ACTL6B: variants seen among roughly 807,000 people sequenced by gnomAD.
The protein encoded by ACTL6B is actin like 6B.
In ACTL6B, 48 loss-of-function variants were observed where a neutral mutation model predicts 63.3. That is an observed-to-expected ratio of 0.76 (90% CI 0.60 to 0.96). The LOEUF (loss-of-function observed/expected upper bound fraction) is 0.96. Ranked by LOEUF, ACTL6B falls within the 50% of genes least tolerant of loss-of-function variation. The pLI is 0.00. For missense variants in ACTL6B, 350 were observed against 572.2 expected (o/e 0.61, Z 3.96); for synonymous variants, 230 against 223.8 (o/e 1.03, Z -0.25).
Position 100,648,412 on chromosome 7 carries a change from C to T in ACTL6B, c.669+144G>A, listed in dbSNP as rs1294445470. 8 of 698,910 alleles carry T rather than the reference C, an allele frequency of 1.1e-5. No homozygotes were observed. Among genetic ancestry groups the T allele is most frequent in the South Asian group, 1.1e-4 (5 of 47,362 alleles). 43.3% of individuals were successfully genotyped at this position (698,910 alleles called of 1,614,324 possible). A position where few individuals can be genotyped will look rare whatever the true frequency, so the allele number is the denominator to read the frequency against. On this transcript the variant is annotated intron_variant, in intron 7 of 13. Transcript: ENST00000160382. The surrounding 1 kb of genome is among the most constrained non-coding windows in gnomAD (Gnocchi z 4.4). ...CAGCCTGTCTGGATTTCGGATGCCT[C>T]GATTATAAAAGGAGGAACTGGAGCC...
At chr7:100,656,076 A>G (rs115598314) in intron 1 of ACTL6B, among the ~76,000 whole-genome samples, 197 bp from the exon 2 acceptor site, 2,230 of 152,290 alleles carry the variant, frequency 0.015, 51 homozygotes, top group African/African-American at 0.051. Flanking sequence ...TTCTTGCCCA[A>G]TGGCCTTGCT....
chr7:100,643,800 C>A (rs950114363), intron 13 of ACTL6B, among the ~76,000 whole-genome samples: 2 of 152,234 alleles, frequency 1.3e-5, no homozygotes, highest in African/African-American at 4.8e-5. Context: ...CCATCTGCAG[C>A]CTTCGGCATT....
chr7:100,647,151 G>A lies in ACTL6B; in HGVS notation c.822-66C>T. ...AAGGATCAGTGCGTGGGCAGCACCA[G>A]AGCCCCCCAGCCCACCCCAAGAGTG... On this transcript the variant is annotated intron_variant, in intron 9 of 13. Coordinates refer to ENST00000160382, the MANE Select transcript of ACTL6B (RefSeq NM_016188.5). This position sits in a 1 kb window ranked among gnomAD's most constrained non-coding sequence, Gnocchi z 4.4. The A allele has an allele frequency of 6.2e-7, 1 of 1,608,806 alleles. No individual in the cohort carries two copies. The highest frequency in any genetic ancestry group is 8.5e-7 in the Non-Finnish European group (1 of 1,175,526).
Position 100,648,179 on chromosome 7 carries a change from C to T in ACTL6B, c.669+377G>A, listed in dbSNP as rs73409003. 236 of 165,966 alleles carry T rather than the reference C, an allele frequency of 1.4e-3. 2 individuals carry two copies. Among genetic ancestry groups the T allele is most frequent in the African/African-American group, 5.3e-3 (223 of 41,816 alleles). The allele number at this position is 165,966 out of a possible 1,614,324, so 10.3% of individuals were successfully genotyped here. ...TTCACCATGTTGCCCAGGCTGGTCT[C>T]GAAGTGAGCTCAAAGCGATCTGCCT... On this transcript the variant is annotated intron_variant, in intron 7 of 13. Coordinates refer to ENST00000160382, the MANE Select transcript of ACTL6B (RefSeq NM_016188.5). The surrounding 1 kb of genome is among the most constrained non-coding windows in gnomAD (Gnocchi z 4.4).
At position 100,647,744 on chromosome 7, in the gene ACTL6B, C is replaced by T; in HGVS notation, c.670-211G>A. Reference sequence around the variant, plus strand: ...TGTGCCTTTCATGCGGTGGGTGCAGCTGATCTGGAGAACACCAGGAATACA... The same window carrying T: ...TGTGCCTTTCATGCGGTGGGTGCAGTTGATCTGGAGAACACCAGGAATACA... On this transcript the variant is annotated intron_variant, in intron 7 of 13. Coordinates refer to ENST00000160382, the MANE Select transcript of ACTL6B (RefSeq NM_016188.5). The surrounding 1 kb of genome is among the most constrained non-coding windows in gnomAD (Gnocchi z 4.4). The T allele has an allele frequency of 7.4e-6, 4 of 540,728 alleles. No individual in the cohort carries two copies. The highest frequency in any genetic ancestry group is 1.3e-5 in the Non-Finnish European group (4 of 305,866). The allele number at this position is 540,728 out of a possible 1,614,324, so 33.5% of individuals were successfully genotyped here.
intron 4 of ACTL6B, among the ~76,000 whole-genome samples, chr7:100,651,452 G>A (rs1255936348): frequency 6.6e-6 from 1 of 151,654 alleles, no homozygotes; most frequent in African/African-American, 2.4e-5. Flanking sequence ...TTGGGATGCT[G>A]AGGCAGGAGA....
Position 100,655,840 on chromosome 7 carries a change from GAGA to G in ACTL6B, c.62_64del (p.Phe21del). 3 of 1,576,448 alleles carry G rather than the reference GAGA, an allele frequency of 1.9e-6. No individual in the cohort carries two copies. The highest frequency in any genetic ancestry group is 2.6e-6 in the Non-Finnish European group (3 of 1,160,624). On this transcript the variant is annotated inframe_deletion, in exon 2 of 14. Coordinates refer to ENST00000160382, the MANE Select transcript of ACTL6B (RefSeq NM_016188.5). The surrounding 1 kb of genome is among the most constrained non-coding windows in gnomAD (Gnocchi z 4.4). ...CTCCCCAGCGTACCCAGCGCGGACT[GAGA>G]AGGAGCCAATGTCAAAGACCAGCGC...
At position 100,646,382 on chromosome 7, in the gene ACTL6B, A is replaced by G. The variant is rs1440427153; in HGVS notation, c.1114-47T>C. On this transcript the variant is annotated intron_variant, in intron 12 of 13. Transcript: ENST00000160382. This position sits in a 1 kb window ranked among gnomAD's most constrained non-coding sequence, Gnocchi z 6.1. The stretch of plus-strand genomic sequence containing the variant: ...GGGAAGCAGACACCTAGGTTCTGGG[A>G]AGGGACAGGGCTTGGGGGAGAGGGG... 6.2e-7 allele frequency: 1 copy of G among 1,601,506 alleles called. No homozygotes were observed. The highest frequency in any genetic ancestry group is 1.7e-5 in the Admixed American group (1 of 58,222).
intron 5 of ACTL6B, among the ~76,000 whole-genome samples, chr7:100,649,182 TG>T (rs1803883581): frequency 6.6e-6 from 1 of 151,036 alleles, no homozygotes; most frequent in African/African-American, 2.4e-5. Flanking sequence ...TTAGTAGAGA[TG>T]GGATTTCACC....
At position 100,648,960 on chromosome 7, in the gene ACTL6B, C is replaced by T; in HGVS notation, c.468-137G>A. On this transcript the variant is annotated intron_variant, in intron 5 of 13. Coordinates refer to ENST00000160382, the MANE Select transcript of ACTL6B (RefSeq NM_016188.5). This position sits in a 1 kb window ranked among gnomAD's most constrained non-coding sequence, Gnocchi z 4.4. ...CAAATCTCTCCCCCTGGTGATGACTCATCTCCTGGAGAAAGGCTCTGAGAC... is the reference window on the plus strand; with the variant it reads ...CAAATCTCTCCCCCTGGTGATGACTTATCTCCTGGAGAAAGGCTCTGAGAC... The T allele has an allele frequency of 5.5e-6, 4 of 728,920 alleles. No homozygotes were observed. The highest frequency in any genetic ancestry group is 6.4e-6 in the Non-Finnish European group (3 of 466,388). The allele number at this position is 728,920 out of a possible 1,614,324, so 45.2% of individuals were successfully genotyped here.
At chr7:100,644,813 TGGGA>T (rs540865761) in intron 13 of ACTL6B, among the ~76,000 whole-genome samples, 256 of 152,080 alleles carry the variant, frequency 1.7e-3, no homozygotes, top group African/African-American at 5.7e-3. Context: ...CCCAGCACTT[TGGGA>T]GGCCAAGATG....
intron 4 of ACTL6B, among the ~76,000 whole-genome samples, 188 bp downstream of exon 4, chr7:100,654,831 G>C (rs187837858): frequency 4.3e-4 from 66 of 152,178 alleles, no homozygotes; most frequent in Admixed American, 3.6e-3. Context: ...CATAGAGCAA[G>C]AAGAGAGCAG....
rs1342036455 is a variant in ACTL6B, at chr7:100,654,576, T to C, written c.369+443A>G. 4.0e-5 allele frequency among the ~76,000 whole-genome samples: 6 copies of C among 150,092 alleles called. No homozygotes were observed. The East Asian group carries it at 1.2e-3, about 30-fold the overall frequency. On this transcript the variant is annotated intron_variant, in intron 4 of 13. Transcript: ENST00000160382. Reference sequence around the variant, plus strand: ...CGGGTGGATCACCTGAGGTCAGGAGTTCGAGACCAGCCTGGCCAACAAGGC... The same window carrying C: ...CGGGTGGATCACCTGAGGTCAGGAGCTCGAGACCAGCCTGGCCAACAAGGC...
Position 100,643,163 on chromosome 7 carries a change from G to A in ACTL6B, c.*83C>T. 1 of 1,304,798 alleles carries A rather than the reference G, an allele frequency of 7.7e-7. No homozygotes were observed. The allele number at this position is 1,304,798 out of a possible 1,614,324, so 80.8% of individuals were successfully genotyped here. A position where few individuals can be genotyped will look rare whatever the true frequency, so the allele number is the denominator to read the frequency against. ...CATCACCATTAATGAGGACAAGAGG[G>A]AAAGGAGGAGGGGGGCAATGTGGCA... is the stretch of plus-strand genomic sequence containing the variant. On this transcript the variant is annotated 3_prime_UTR_variant, in exon 14 of 14. Transcript: ENST00000160382.
intron 13 of ACTL6B, among the ~76,000 whole-genome samples, chr7:100,645,667 C>A (rs1192951638): frequency 1.3e-5 from 2 of 150,532 alleles, no homozygotes; most frequent in African/African-American, 4.9e-5. Flanking sequence ...AGTCTTACTG[C>A]GTCACCCAGG....
intron 4 of ACTL6B, among the ~76,000 whole-genome samples, chr7:100,653,900 G>A (rs1803986867): frequency 6.6e-6 from 1 of 152,036 alleles, no homozygotes; most frequent in Non-Finnish European, 1.5e-5. Flanking sequence ...TAGCTAAAAA[G>A]GAGAAAAACA....
intron 4 of ACTL6B, among the ~76,000 whole-genome samples, chr7:100,650,752 G>T (rs1478480098): frequency 6.6e-6 from 1 of 152,064 alleles, no homozygotes; most frequent in Non-Finnish European, 1.5e-5. Context: ...AGAAGGATTG[G>T]AACATAAAGT....
chr7:100,648,754 T>A lies in ACTL6B; in HGVS notation c.537A>T (p.Val179=). The A allele has an allele frequency of 6.2e-7, 1 of 1,614,134 alleles. No individual in the cohort carries two copies. The highest frequency in any genetic ancestry group is 8.5e-7 in the Non-Finnish European group (1 of 1,180,008). Residue 179 remains valine, a synonymous_variant, in exon 6 of 14, where the codon GTA becomes GTT. Transcript: ENST00000160382. The surrounding 1 kb of genome is among the most constrained non-coding windows in gnomAD (Gnocchi z 4.4). ...CTTGCTGCAGAACGTAGCCGTCATG[T>A]ACTGGAATGGCCGTGGTGTGGGTGG... The part of the protein sequence containing the change: ...SGATHTTAIP[V]HDGYVLQQGI...
At position 100,646,507 on chromosome 7, in the gene ACTL6B, C is replaced by T; in HGVS notation, c.1113+44G>A. ...AGGGACTCAGTCCTGGACAGCTGAG[C>T]CAGGACGGGTGTCCAGGGCTCTGGG... On this transcript the variant is annotated intron_variant, in intron 12 of 13. Coordinates refer to ENST00000160382, the MANE Select transcript of ACTL6B (RefSeq NM_016188.5). The surrounding 1 kb of genome is among the most constrained non-coding windows in gnomAD (Gnocchi z 6.1). 1 of 1,601,934 alleles carries T rather than the reference C, an allele frequency of 6.2e-7. No homozygotes were observed. Among genetic ancestry groups the T allele is most frequent in the Middle Eastern group, 1.7e-4 (1 of 5,842 alleles).
Sources: allele counts gnomAD v4.1 joint callset (sites outside exome capture counted in the v4.1 genomes callset), GRCh38; gene constraint gnomAD v4.1.1; non-coding constraint Gnocchi (gnomAD v3.1); transcripts MANE v1.5; gene names NCBI Gene and HGNC (gene_info 2026-07-23, HGNC 2026-07-21).